The following PTPRM variants were observed in gnomAD, a reference collection of about 807,000 sequenced individuals.
PTPRM encodes the protein protein tyrosine phosphatase receptor type M, also known as receptor-type tyrosine-protein phosphatase mu.
In PTPRM, 47 loss-of-function variants were observed where a neutral mutation model predicts 186.7. The ratio of observed to expected loss-of-function variants is 0.25; its 90% CI spans 0.20 to 0.32. The LOEUF is 0.32. Among genes scored for constraint, PTPRM ranks in the 10% least tolerant of loss-of-function variants. The pLI, the probability that PTPRM is intolerant of heterozygous loss-of-function variation, is 1.00. For missense variants in PTPRM, 1,494 were observed against 1,865.0 expected, an observed-to-expected ratio of 0.80 and a Z score of 3.66; for synonymous variants, 668 against 674.9, an observed-to-expected ratio of 0.99 and a Z score of 0.16.
chr18:7,796,338 G>T (rs1268489555), intron 2 of PTPRM, among the ~76,000 whole-genome samples: 1 of 152,126 alleles, frequency 6.6e-6, no homozygotes, highest in Non-Finnish European at 1.5e-5. Flanking sequence ...GAATTTTGAG[G>T]AAAAGAAACA....
intron 1 of PTPRM, among the ~76,000 whole-genome samples, chr18:7,718,027 A>G (rs1475311348): frequency 6.6e-6 from 1 of 152,088 alleles, no homozygotes; most frequent in Admixed American, 6.6e-5. Flanking sequence ...TCCTGCTTCA[A>G]TACCATCATC....
chr18:7,719,944 T>A (rs2040415267), intron 1 of PTPRM, among the ~76,000 whole-genome samples: 1 of 152,154 alleles, frequency 6.6e-6, no homozygotes. Flanking sequence ...GTATCTGTAG[T>A]CCCAAACTAC....
chr18:7,755,084 T>C (rs1168186947), intron 1 of PTPRM: 2 of 152,156 alleles, frequency 1.3e-5, no homozygotes, highest in Non-Finnish European at 2.9e-5. Context: ...TCTGTTTAAA[T>C]TTACCAGGGT....
At chr18:8,267,876 C>T (rs1042130754) in intron 19 of PTPRM, among the ~76,000 whole-genome samples, 3 of 152,262 alleles carry the variant, frequency 2.0e-5, no homozygotes, top group Admixed American at 6.5e-5. Flanking sequence ...TGAAGCTATA[C>T]ATGTCTTCAT....
chr18:8,395,214 T>A (rs1328776495), intron 32 of PTPRM, among the ~76,000 whole-genome samples: 1 of 150,130 alleles, frequency 6.7e-6, no homozygotes, highest in Non-Finnish European at 1.5e-5. Context: ...TTAGATTAGG[T>A]TTTTGCACTT....
chr18:7,836,242 TTG>T (rs2046042244), intron 2 of PTPRM, among the ~76,000 whole-genome samples: 1 of 152,144 alleles, frequency 6.6e-6, no homozygotes, highest in Admixed American at 6.5e-5. Flanking sequence ...TCTGGCTTTT[TTG>T]TGTGTGTGTA....
chr18:7,671,931 C>T (rs75102480), intron 1 of PTPRM, among the ~76,000 whole-genome samples: 112 of 152,190 alleles, frequency 7.4e-4, no homozygotes, highest in African/African-American at 2.5e-3. Context: ...AAGGTGGTCA[C>T]CTAGAATCAA....
At chr18:7,841,471 T>A (rs1339532918) in intron 2 of PTPRM, among the ~76,000 whole-genome samples, 5 of 151,804 alleles carry the variant, frequency 3.3e-5, no homozygotes, top group African/African-American at 1.2e-4. Flanking sequence ...TTTTTGTATA[T>A]TTTTAGTAGA....
intron 2 of PTPRM, among the ~76,000 whole-genome samples, chr18:7,846,356 A>G (rs2145890611): frequency 6.6e-6 from 1 of 152,358 alleles, no homozygotes; most frequent in South Asian, 2.1e-4. Context: ...TGTACAGTGA[A>G]TAAAACAATG....
At chr18:7,693,258 C>T (rs2039773799) in intron 1 of PTPRM, among the ~76,000 whole-genome samples, 1 of 152,112 alleles carries the variant, frequency 6.6e-6, no homozygotes, top group African/African-American at 2.4e-5. Context: ...ATGAACACTC[C>T]ACATGCAGGA....
At position 7,984,205 on chromosome 18, in the gene PTPRM, A is replaced by G. The variant is rs528446835; in HGVS notation, c.1132+28791A>G. On this transcript the variant is annotated intron_variant, in intron 7 of 32. Coordinates refer to ENST00000580170, the MANE Select transcript of PTPRM (RefSeq NM_001105244.2). ...TCACCAAAGAGTCAAGAAAAATGCA[A>G]CCACCTTCTTGAGGGCATTAGAGTT... Among the ~76,000 whole-genome samples the G allele has an allele frequency of 7.9e-5, 12 of 152,218 alleles. No homozygotes were observed. In the South Asian group the frequency reaches 1.0e-3, roughly 13 times the overall value.
rs1274290723 is a variant in PTPRM at position 8,406,153 on chromosome 18, T to C, written c.4389T>C (p.Asn1463=). Residue 1463 remains asparagine, a synonymous_variant, in exon 33 of 33, where the codon AAT becomes AAC. Transcript: ENST00000580170. ...ACGAGGTGGCCCTGGAATACTTGAA[T>C]TCTGGCTGATGGTGTAAACAGCTCT... is the stretch of plus-strand genomic sequence containing the variant. ...FCYEVALEYL[N]SG 1 of 1,614,010 alleles carries C rather than the reference T, an allele frequency of 6.2e-7. No homozygotes were observed. Among genetic ancestry groups the C allele is most frequent in the African/African-American group, 1.3e-5 (1 of 74,942 alleles).
chr18:8,227,912 A>G (rs1299314382), intron 14 of PTPRM, among the ~76,000 whole-genome samples: 1 of 152,166 alleles, frequency 6.6e-6, no homozygotes, highest in Non-Finnish European at 1.5e-5. Context: ...TACCAGTTTC[A>G]TATTTCTTGC....
intron 13 of PTPRM, among the ~76,000 whole-genome samples, chr18:8,125,545 A>T: frequency 6.6e-6 from 1 of 152,120 alleles, no homozygotes; most frequent in East Asian, 1.9e-4. Context: ...ATTTTTTTAA[A>T]AAAAATTCTG....
chr18:7,989,871 A>G (rs894054821), intron 7 of PTPRM, among the ~76,000 whole-genome samples: 2 of 151,998 alleles, frequency 1.3e-5, no homozygotes, highest in African/African-American at 4.8e-5. Context: ...CTCTTTTCTC[A>G]GGATGATGTT....
intron 29 of PTPRM, among the ~76,000 whole-genome samples, chr18:8,383,585 G>A (rs958112051): frequency 3.2e-4 from 49 of 152,224 alleles, no homozygotes; most frequent in African/African-American, 1.1e-3. Flanking sequence ...TCATGCAAAT[G>A]TTTTAGTTAC....
intron 14 of PTPRM, among the ~76,000 whole-genome samples, chr18:8,182,975 G>T (rs1301328864): frequency 1.3e-5 from 2 of 152,182 alleles, no homozygotes; most frequent in East Asian, 1.9e-4. Flanking sequence ...TGTTTTTCGC[G>T]CAGTGTGTCA....
At chr18:8,121,143 A>T (rs1003770882) in intron 13 of PTPRM, among the ~76,000 whole-genome samples, 7 of 152,230 alleles carry the variant, frequency 4.6e-5, no homozygotes, top group South Asian at 2.1e-4. Flanking sequence ...GTTCATTAAT[A>T]ATGTGTGAAA....
intron 14 of PTPRM, among the ~76,000 whole-genome samples, chr18:8,222,328 T>C (rs1395636094): frequency 6.6e-6 from 1 of 152,204 alleles, no homozygotes; most frequent in Non-Finnish European, 1.5e-5. Flanking sequence ...AAAGTTTTTG[T>C]CTCATTTTTC....
Sources: allele counts gnomAD v4.1 joint callset (sites outside exome capture counted in the v4.1 genomes callset), GRCh38; gene constraint gnomAD v4.1.1; transcripts MANE v1.5; gene names NCBI Gene and HGNC (gene_info 2026-07-23, HGNC 2026-07-21).